Variants in KDM5A observed in about 807,000 individuals in gnomAD.
The protein encoded by KDM5A is lysine-specific demethylase 5A.
A neutral mutation model predicts 193.5 loss-of-function variants in KDM5A; 42 were observed. The observed-to-expected ratio is 0.22, with a 90% CI of 0.17 to 0.28. The LOEUF is 0.28. KDM5A is among the 10% of genes least tolerant of loss of function. KDM5A has a pLI of 1.00. For missense variants in KDM5A, 1,692 were observed against 2,055.1 expected, an observed-to-expected ratio of 0.82 and a Z score of 3.42; for synonymous variants, 796 against 718.1, an observed-to-expected ratio of 1.11 and a Z score of -1.73.
At chr12:338,558 A>G (rs1943961724) in intron 10 of KDM5A, among the ~76,000 whole-genome samples, 1 of 152,176 alleles carries the variant, frequency 6.6e-6, no homozygotes, top group South Asian at 2.1e-4. Flanking sequence ...TCACTGTAAT[A>G]AATCATAAGC....
rs3782853 is a variant in KDM5A at position 311,263 on chromosome 12, G to A, written c.3037-199C>T. The stretch of plus-strand genomic sequence containing the variant: ...TGTAAATTATTTTTTTAATGAACAT[G>A]TCATCAATGATTTTATTTATTAATT... On this transcript the variant is annotated intron_variant, in intron 20 of 27. Transcript: ENST00000399788. 4.8e-3 allele frequency: 2,874 copies of A among 597,162 alleles called. 94 individuals are homozygous for A. The East Asian group carries it at 0.071, about 15-fold the overall frequency. The allele number at this position is 597,162 out of a possible 1,614,324, so 37.0% of individuals were successfully genotyped here. A position where few individuals can be genotyped will look rare whatever the true frequency, so the allele number is the denominator to read the frequency against.
rs1484640496 is a variant in KDM5A, at chr12:319,901, AG to A, written c.2541+1093del. 1.2e-3 allele frequency among the ~76,000 whole-genome samples: 182 copies of A among 152,316 alleles called. 1 individual carries two copies. The highest frequency in any genetic ancestry group is 1.1e-3 in the Non-Finnish European group (72 of 68,026). ...ATGTGGGATTGAATCAACAGGATAT[AG>A]GTGATATTTAATGTCACTGGGCAAA... On this transcript the variant is annotated intron_variant, in intron 18 of 27. Transcript: ENST00000399788.
intron 8 of KDM5A, among the ~76,000 whole-genome samples, chr12:353,335 G>C (rs1331420888): frequency 6.6e-6 from 1 of 152,026 alleles, no homozygotes; most frequent in East Asian, 1.9e-4. Context: ...TCTCAAAAAA[G>C]TAAATAAATA....
rs1943188771 is a variant in KDM5A at position 284,126 on chromosome 12, G to A, written c.*1330C>T. ...ACTCCTTGTACTACAAAGAAGGAAT[G>A]GGATTTTTTTTTTTAAAGCAAAAAA... On this transcript the variant is annotated 3_prime_UTR_variant, in exon 28 of 28. Transcript: ENST00000399788. 1 of 230,808 alleles carries A rather than the reference G, an allele frequency of 4.3e-6. No homozygotes were observed. The highest frequency in any genetic ancestry group is 8.6e-6 in the Non-Finnish European group (1 of 116,868). The allele number at this position is 230,808 out of a possible 1,614,324, so 14.3% of individuals were successfully genotyped here.
intron 10 of KDM5A, among the ~76,000 whole-genome samples, chr12:344,309 T>C (rs182011993): frequency 6.6e-6 from 1 of 152,300 alleles, no homozygotes; most frequent in Admixed American, 6.5e-5. Flanking sequence ...CTTAAAGTGA[T>C]GGGGAGGATG....
chr12:307,320 G>A lies in KDM5A; in HGVS notation c.3930+134C>T, dbSNP rs1172959729. On this transcript the variant is annotated intron_variant, in intron 23 of 27. Coordinates refer to ENST00000399788, the MANE Select transcript of KDM5A (RefSeq NM_001042603.3). The surrounding 1 kb of genome is among the most constrained non-coding windows in gnomAD (Gnocchi z 4.3). ...CAAAAAAAGTGCTATAGTGTATGTTGAAGGAGAATGCAATGGATAATTGCT... is the reference window on the plus strand; with the variant it reads ...CAAAAAAAGTGCTATAGTGTATGTTAAAGGAGAATGCAATGGATAATTGCT... 5.6e-6 allele frequency: 6 copies of A among 1,070,408 alleles called. No individual in the cohort carries two copies. The highest frequency in any genetic ancestry group is 8.4e-6 in the Non-Finnish European group (6 of 712,308). 66.3% of individuals were successfully genotyped at this position (1,070,408 alleles called of 1,614,324 possible).
intron 3 of KDM5A, among the ~76,000 whole-genome samples, chr12:372,128 C>A (rs1297198114): frequency 1.3e-5 from 2 of 152,158 alleles, no homozygotes; most frequent in Non-Finnish European, 2.9e-5. Flanking sequence ...TTTTCCAATT[C>A]TGTGAAGAAA....
At chr12:315,998 CAG>C (rs573119150) in intron 19 of KDM5A, among the ~76,000 whole-genome samples, 395 of 152,218 alleles carry the variant, frequency 2.6e-3, no homozygotes, top group African/African-American at 9.0e-3. Flanking sequence ...AGAGACTGTA[CAG>C]AGTGAGAAAA....
intron 10 of KDM5A, among the ~76,000 whole-genome samples, chr12:344,606 A>G (rs539850182): frequency 9.2e-5 from 14 of 152,350 alleles, no homozygotes; most frequent in Admixed American, 2.0e-4. Flanking sequence ...AGTGGGGGCC[A>G]ATATTCAACA....
At chr12:352,876 TA>T (rs1436015983) in intron 8 of KDM5A, among the ~76,000 whole-genome samples, 4 of 152,188 alleles carry the variant, frequency 2.6e-5, no homozygotes, top group African/African-American at 7.2e-5. Context: ...TCAAAGGCCA[TA>T]AAAGACCTTT....
chr12:362,848 C>T, intron 5 of KDM5A, 115 bp downstream of exon 5: 3 of 951,798 alleles, frequency 3.2e-6, no homozygotes, highest in South Asian at 2.8e-5. Context: ...ACCAGCAATA[C>T]TCAAGAGGCG....
At chr12:286,271 G>A (rs1029866031) in intron 27 of KDM5A, 5 of 462,026 alleles carry the variant, frequency 1.1e-5, no homozygotes, top group African/African-American at 6.1e-5. Context: ...AACAGTCAAA[G>A]ACACAGGTCA....
intron 5 of KDM5A, among the ~76,000 whole-genome samples, chr12:357,951 A>G (rs1284676370): frequency 6.6e-6 from 1 of 151,682 alleles, no homozygotes; most frequent in Non-Finnish European, 1.5e-5. Context: ...AACTGGGAGG[A>G]AATTTATCAC....
rs2137509359 is a variant in KDM5A, at chr12:389,197, T to A, written c.-106A>T. On this transcript the variant is annotated 5_prime_UTR_variant, in exon 1 of 28. It removes an upstream start codon present in the reference 5' UTR. Coordinates refer to ENST00000399788, the MANE Select transcript of KDM5A (RefSeq NM_001042603.3). ...GTCCCCTGACAGAGGCCGAAGCGCA[T>A]CTTCGCGGACAAGAACCGTTCAACA... 1 of 1,060,844 alleles carries A rather than the reference T, an allele frequency of 9.4e-7. No individual in the cohort carries two copies. Among genetic ancestry groups the A allele is most frequent in the Non-Finnish European group, 1.5e-6 (1 of 681,264 alleles). 65.7% of individuals were successfully genotyped at this position (1,060,844 alleles called of 1,614,324 possible).
chr12:287,600 C>G (rs1395002602), intron 27 of KDM5A, among the ~76,000 whole-genome samples: 3 of 151,902 alleles, frequency 2.0e-5, no homozygotes, highest in African/African-American at 7.3e-5. Flanking sequence ...AGTACGTGCA[C>G]TCAGAGTGAG....
Position 309,859 on chromosome 12 carries a change from C to G in KDM5A, c.3322G>C (p.Glu1108Gln), listed in dbSNP as rs374192591. Reference sequence around the variant, plus strand: ...CCTTCCTCCAGATCACTCAGAGGCTCCAGGTCCAGATCCTTTTCTTTTTCT... The same window carrying G: ...CCTTCCTCCAGATCACTCAGAGGCTGCAGGTCCAGATCCTTTTCTTTTTCT... ...EKEKEKDLDL[E>Q]PLSDLEEGLE... is the part of the protein sequence containing the mutation. The change falls in exon 22 of 28, where the codon GAG becomes CAG. Residue 1108 changes from glutamate to glutamine, a missense_variant. Around this residue, in one of 11 missense-constraint regions of KDM5A, gnomAD observed 965 missense variants for 1,061.0 expected, o/e 0.91. Coordinates refer to ENST00000399788, the MANE Select transcript of KDM5A (RefSeq NM_001042603.3). The G allele has an allele frequency of 1.2e-6, 2 of 1,614,106 alleles. No individual in the cohort carries two copies. Among genetic ancestry groups the G allele is most frequent in the Admixed American group, 1.7e-5 (1 of 60,006 alleles).
At chr12:304,247 C>G (rs1232980034) in intron 24 of KDM5A, among the ~76,000 whole-genome samples, 2 of 152,058 alleles carry the variant, frequency 1.3e-5, no homozygotes, top group African/African-American at 4.8e-5. Flanking sequence ...ATTACCTACC[C>G]CTCCTCCTAA....
chr12:329,120 G>C, intron 13 of KDM5A, 91 bp from the exon 14 acceptor site: 1 of 1,021,424 alleles, frequency 9.8e-7, no homozygotes, highest in South Asian at 1.3e-5. Context: ...CCTTTTATTA[G>C]AAAGAAGACA....
intron 12 of KDM5A, among the ~76,000 whole-genome samples, chr12:332,646 T>C (rs1000980107): frequency 1.3e-5 from 2 of 152,204 alleles, no homozygotes; most frequent in African/African-American, 4.8e-5. Context: ...CATTATCTCA[T>C]GTATTAAAAG....
Sources: allele counts gnomAD v4.1 joint callset (sites outside exome capture counted in the v4.1 genomes callset), GRCh38; gene constraint gnomAD v4.1.1; regional missense constraint gnomAD v4.1.1; non-coding constraint Gnocchi (gnomAD v3.1); transcripts MANE v1.5; gene names NCBI Gene and HGNC (gene_info 2026-07-23, HGNC 2026-07-21).